The following PAPPA2 variants were observed in gnomAD, a reference collection of about 807,000 sequenced individuals.
PAPPA2 encodes pappalysin-2.
Under a neutral mutation model 176.4 loss-of-function variants are expected in PAPPA2, and 86 were observed. The observed-to-expected ratio is 0.49, with a 90% CI of 0.41 to 0.58. PAPPA2 has a LOEUF of 0.58. Ranked by LOEUF, PAPPA2 falls within the 20% of genes least tolerant of loss-of-function variation. The pLI is 0.00. For missense variants in PAPPA2, 2,073 were observed against 2,256.9 expected (o/e 0.92, Z 1.65); for synonymous variants, 809 against 852.2 (o/e 0.95, Z 0.88).
Position 176,691,514 on chromosome 1 carries a change from G to C in PAPPA2, c.2432-612G>C, listed in dbSNP as rs562148645. Among the ~76,000 whole-genome samples the C allele has an allele frequency of 3.3e-5, 5 of 152,348 alleles. 1 individual carries two copies. The highest frequency in any genetic ancestry group is 1.2e-4 in the African/African-American group (5 of 41,586). The stretch of plus-strand genomic sequence containing the variant: ...AGGCAGCACCTTTGAAGCGGGAAGA[G>C]GAAACATTTAGGAAGCTGAGTGAGG... On this transcript the variant is annotated intron_variant, in intron 5 of 22. Transcript: ENST00000367662.
In PAPPA2 at chr1:176,516,035, A is replaced by G. The variant is rs142923481; in HGVS notation, c.-916-39372A>G. Reference sequence around the variant, plus strand: ...CAAAGTCAACTAGCCTAAATGTGAGATAGTTTGCTTGGTGACTTTCTCTAG... The same window carrying G: ...CAAAGTCAACTAGCCTAAATGTGAGGTAGTTTGCTTGGTGACTTTCTCTAG... On this transcript the variant is annotated intron_variant, in intron 1 of 22. Transcript: ENST00000367662. 2.6e-5 allele frequency among the ~76,000 whole-genome samples: 4 copies of G among 152,282 alleles called. No individual in the cohort carries two copies. The East Asian group carries it at 7.7e-4, about 29-fold the overall frequency.
At chr1:176,573,539 C>CA (rs1175500145) in intron 2 of PAPPA2, among the ~76,000 whole-genome samples, 3 of 152,048 alleles carry the variant, frequency 2.0e-5, no homozygotes, top group Non-Finnish European at 2.9e-5. Context: ...AATGACACTC[C>CA]AAAAAAATCA....
At chr1:176,623,561 TCC>T (rs1655717822) in intron 3 of PAPPA2, among the ~76,000 whole-genome samples, 1 of 84,198 alleles carries the variant, frequency 1.2e-5, no homozygotes, top group African/African-American at 4.9e-5. Context: ...ATTTTCCCCT[TCC>T]TTCCTTCCTT....
At chr1:176,618,482 T>C (rs1295388680) in intron 3 of PAPPA2, among the ~76,000 whole-genome samples, 1 of 152,236 alleles carries the variant, frequency 6.6e-6, no homozygotes, top group Non-Finnish European at 1.5e-5. Context: ...TCTTGTTTGC[T>C]CCATATTAGT....
Position 176,711,946 on chromosome 1 carries a change from G to A in PAPPA2, c.3763G>A (p.Gly1255Ser), listed in dbSNP as rs374998918. ...TQDDRSEQPEGSLKKEDEVWL... is the reference protein window; with the variant it reads ...TQDDRSEQPESSLKKEDEVWL... The stretch of plus-strand genomic sequence containing the variant: ...GGATGACAGGAGTGAACAGCCAGAA[G>A]GTAGCCTGAAGAAAGAGGATGAGGT... Residue 1255 changes from glycine (G) to serine (S), a missense_variant, in exon 12 of 23, where the codon GGT (glycine) becomes AGT (serine). Coordinates refer to ENST00000367662, the MANE Select transcript of PAPPA2 (RefSeq NM_020318.3). 1 of 1,613,576 alleles carries A rather than the reference G, an allele frequency of 6.2e-7. No individual in the cohort carries two copies. The highest frequency in any genetic ancestry group is 8.5e-7 in the Non-Finnish European group (1 of 1,179,572).
intron 21 of PAPPA2, among the ~76,000 whole-genome samples, chr1:176,818,212 C>A (rs1270630193): frequency 6.6e-6 from 1 of 152,088 alleles, no homozygotes; most frequent in Non-Finnish European, 1.5e-5. Context: ...GATGAAGAGA[C>A]TGGAACATGT....
At chr1:176,542,964 G>A (rs1217066257) in intron 1 of PAPPA2, among the ~76,000 whole-genome samples, 1 of 152,178 alleles carries the variant, frequency 6.6e-6, no homozygotes, top group Non-Finnish European at 1.5e-5. Flanking sequence ...TCTCCAGTAT[G>A]AGTTCTTTTA....
chr1:176,603,656 C>T (rs999073259), intron 3 of PAPPA2, among the ~76,000 whole-genome samples: 2 of 152,176 alleles, frequency 1.3e-5, no homozygotes, highest in Admixed American at 6.5e-5. Context: ...GCACATTCCT[C>T]CTTCTTGGAA....
At chr1:176,666,367 G>A (rs1194149139) in intron 3 of PAPPA2, among the ~76,000 whole-genome samples, 1 of 152,034 alleles carries the variant, frequency 6.6e-6, no homozygotes, top group Non-Finnish European at 1.5e-5. Flanking sequence ...TGGTACAGAC[G>A]AAAGCCAGAT....
rs1571312851 is a variant in PAPPA2 at position 176,777,737 on chromosome 1, A to T, written c.4715+6557A>T. Among the ~76,000 whole-genome samples the T allele has an allele frequency of 2.6e-5, 4 of 152,286 alleles. No individual in the cohort carries two copies. In the South Asian group the frequency reaches 8.3e-4, roughly 32 times the overall value. On this transcript the variant is annotated intron_variant, in intron 17 of 22. Coordinates refer to ENST00000367662, the MANE Select transcript of PAPPA2 (RefSeq NM_020318.3). ...GGTGTACTTACAGGTTTTTGTAAGG[A>T]ATAAATGAGATAATAGATGGAAAGA...
chr1:176,730,507 C>T (rs551083480), intron 12 of PAPPA2, among the ~76,000 whole-genome samples: 3 of 151,774 alleles, frequency 2.0e-5, no homozygotes, highest in East Asian at 1.9e-4. Flanking sequence ...TTCTTGATTA[C>T]GCATGCATGG....
intron 14 of PAPPA2, among the ~76,000 whole-genome samples, chr1:176,754,211 TCA>T (rs1326450834): frequency 1.3e-5 from 2 of 152,038 alleles, no homozygotes. Flanking sequence ...AAGCTTTTGG[TCA>T]AAAGCTAGGA....
chr1:176,469,009 TG>T (rs1651756317), intron 1 of PAPPA2, among the ~76,000 whole-genome samples: 1 of 152,202 alleles, frequency 6.6e-6, no homozygotes, highest in African/African-American at 2.4e-5. Flanking sequence ...GATTCAAGCC[TG>T]GAATTTCCAA....
chr1:176,564,742 A>G (rs1257012292), intron 2 of PAPPA2, among the ~76,000 whole-genome samples: 1 of 142,936 alleles, frequency 7.0e-6, no homozygotes, highest in Admixed American at 6.9e-5. Context: ...TTTTTTTTAG[A>G]AAAAAGCATA....
chr1:176,532,661 G>A (rs1032717276), intron 1 of PAPPA2, among the ~76,000 whole-genome samples: 2 of 152,164 alleles, frequency 1.3e-5, no homozygotes, highest in Non-Finnish European at 2.9e-5. Flanking sequence ...CCCACATGGT[G>A]TGGGTCAACG....
At chr1:176,675,731 C>T (rs745875834) in intron 4 of PAPPA2, among the ~76,000 whole-genome samples, 10 of 151,946 alleles carry the variant, frequency 6.6e-5, no homozygotes, top group South Asian at 6.2e-4. Flanking sequence ...AGATAATGGC[C>T]GAGAATCTTG....
At chr1:176,667,537 C>T (rs978709847) in intron 3 of PAPPA2, among the ~76,000 whole-genome samples, 3 of 152,032 alleles carry the variant, frequency 2.0e-5, no homozygotes, top group African/African-American at 7.2e-5. Context: ...TTGGTGCTTC[C>T]GGGGGCCCAC....
chr1:176,615,549 G>A (rs1655157134), intron 3 of PAPPA2, among the ~76,000 whole-genome samples: 1 of 151,870 alleles, frequency 6.6e-6, no homozygotes, highest in East Asian at 1.9e-4. Flanking sequence ...GGGTAGTCTC[G>A]ATATCCTGAC....
At chr1:176,739,843 G>A (rs1662593091) in intron 13 of PAPPA2, 82 bp downstream of exon 13, 4 of 1,580,398 alleles carry the variant, frequency 2.5e-6, no homozygotes, top group Non-Finnish European at 3.5e-6. Context: ...TGTCTTTTAT[G>A]TTGTCTGGGA....
Sources: gnomAD v4.1 joint callset for allele counts (sites outside exome capture counted in the v4.1 genomes callset) on GRCh38, gnomAD v4.1.1 for gene constraint, MANE v1.5 for transcripts, NCBI Gene and HGNC (gene_info 2026-07-23, HGNC 2026-07-21) for gene names.